GID4: variants seen among roughly 807,000 people sequenced by gnomAD.
The protein encoded by GID4 is GID complex subunit 4 homolog.
A neutral mutation model predicts 32.4 loss-of-function variants in GID4; 7 were observed. That is an observed-to-expected ratio of 0.22 (90% CI 0.12 to 0.41). The LOEUF is 0.41. GID4 is among the 10% of genes least tolerant of loss of function. The pLI, the probability that GID4 is intolerant of heterozygous loss-of-function variation, is 1.00. For missense variants in GID4, 309 were observed against 400.0 expected, an observed-to-expected ratio of 0.77 and a Z score of 1.94; for synonymous variants, 166 against 170.0, an observed-to-expected ratio of 0.98 and a Z score of 0.18.
In GID4 at chr17:18,039,433, T is replaced by G; in HGVS notation, c.-32T>G. ...GTGTGTGTGTCTGTGTGTGTTTGTG[T>G]GTTGTGTGTCTGTGAGTGTCTGTGT... On this transcript the variant is annotated 5_prime_UTR_variant, in exon 1 of 6. Transcript: ENST00000268719. This position sits in a 1 kb window ranked among gnomAD's most constrained non-coding sequence, Gnocchi z 5.3. The G allele has an allele frequency of 2.3e-6, 3 of 1,329,404 alleles. No homozygotes were observed. The highest frequency in any genetic ancestry group is 3.0e-6 in the Non-Finnish European group (3 of 1,014,026). 82.4% of individuals were successfully genotyped at this position (1,329,404 alleles called of 1,614,324 possible). A position where few individuals can be genotyped will look rare whatever the true frequency, so the allele number is the denominator to read the frequency against.
chr17:18,062,613 C>G (rs987647505), intron 5 of GID4, among the ~76,000 whole-genome samples: 8 of 152,296 alleles, frequency 5.3e-5, no homozygotes, highest in African/African-American at 1.9e-4. Flanking sequence ...AAAATTCTTT[C>G]TTTCCAGTAT....
rs2045079830 is a variant in GID4 at position 18,067,728 on chromosome 17, G to T, written c.*2485G>T. 2 of 152,596 alleles carry T rather than the reference G, an allele frequency of 1.3e-5. No individual in the cohort carries two copies. The highest frequency in any genetic ancestry group is 4.1e-4 in the South Asian group (2 of 4,824). The allele number at this position is 152,596 out of a possible 1,614,324, so 9.5% of individuals were successfully genotyped here. On this transcript the variant is annotated 3_prime_UTR_variant, in exon 6 of 6. Transcript: ENST00000268719. ...CTCTGAAACTATGTGCAATATTTTT[G>T]GTTGACACTTGTATCCATCCTTAAG...
In GID4 at chr17:18,058,873, G is replaced by C; in HGVS notation, c.612G>C (p.Lys204Asn). The C allele has an allele frequency of 6.2e-7, 1 of 1,606,694 alleles. No homozygotes were observed. Among genetic ancestry groups the C allele is most frequent in the Non-Finnish European group, 8.5e-7 (1 of 1,173,432 alleles). Residue 204 changes from lysine (K) to asparagine (N), a missense_variant, in exon 4 of 6, where the codon AAG (lysine) becomes AAC (asparagine). Lys to Asn is a moderately conservative substitution (Grantham distance 94). This residue lies in a region of GID4 where 116 missense variants were observed against 214.2 expected (regional missense o/e 0.54). Transcript: ENST00000268719. ...DEDVDRKHWG[K>N]FLAFYQYAKS... ...ACTCTCTTTTCTGCTTTCAGGGCAAGTTTCTGGCTTTTTATCAGTATGCAA... is the reference window on the plus strand; with the variant it reads ...ACTCTCTTTTCTGCTTTCAGGGCAACTTTCTGGCTTTTTATCAGTATGCAA...
chr17:18,047,477 T>C (rs1409148515), intron 2 of GID4, among the ~76,000 whole-genome samples: 1 of 152,230 alleles, frequency 6.6e-6, no homozygotes, highest in African/African-American at 2.4e-5. Flanking sequence ...TATACAGAAA[T>C]GCTAATGGCA....
At chr17:18,050,196 T>C (rs2044896873) in intron 2 of GID4, among the ~76,000 whole-genome samples, 1 of 152,178 alleles carries the variant, frequency 6.6e-6, no homozygotes, top group Non-Finnish European at 1.5e-5. Context: ...TTTGCATGCA[T>C]GTATCTTTAT....
chr17:18,056,347 A>AG (rs1209272502), intron 3 of GID4, among the ~76,000 whole-genome samples: 43 of 152,240 alleles, frequency 2.8e-4, no homozygotes, highest in African/African-American at 1.0e-3. Context: ...ACAAGACCTG[A>AG]GTATCCAGAA....
chr17:18,067,877 C>G lies in GID4; in HGVS notation c.*2634C>G, dbSNP rs1170856536. On this transcript the variant is annotated 3_prime_UTR_variant, in exon 6 of 6. Coordinates refer to ENST00000268719, the MANE Select transcript of GID4 (RefSeq NM_024052.5). ...AAAGCTTCCATTCTGCTGTCCTCAG[C>G]CTCGACCCTCTTCTGTGCTGGACTT... 6.6e-6 allele frequency: 1 copy of G among 152,646 alleles called. No homozygotes were observed. Among genetic ancestry groups the G allele is most frequent in the African/African-American group, 2.4e-5 (1 of 41,440 alleles). 9.5% of individuals were successfully genotyped at this position (152,646 alleles called of 1,614,324 possible).
At chr17:18,056,802 G>T (rs2044971665) in intron 3 of GID4, 1 of 1,550,538 alleles carries the variant, frequency 6.4e-7, no homozygotes. Context: ...ACTGGCATGT[G>T]AGGTGTGGTT....
intron 2 of GID4, among the ~76,000 whole-genome samples, chr17:18,053,878 A>G (rs936624711): frequency 4.6e-5 from 7 of 152,198 alleles, no homozygotes; most frequent in Admixed American, 1.3e-4. Context: ...GCATGTAACA[A>G]TTGAAGTCAA....
At chr17:18,044,314 C>T (rs1209935856) in intron 1 of GID4, among the ~76,000 whole-genome samples, 2 of 152,152 alleles carry the variant, frequency 1.3e-5, no homozygotes, top group Admixed American at 1.3e-4. Context: ...TTGACCAAGT[C>T]TTACGTGGTA....
intron 1 of GID4, among the ~76,000 whole-genome samples, chr17:18,041,593 A>G (rs1180209687): frequency 6.6e-6 from 1 of 152,182 alleles, no homozygotes; most frequent in Admixed American, 6.5e-5. Flanking sequence ...GTATGAAGGT[A>G]CAGGGGTTTT....
chr17:18,052,877 T>G (rs1478800952), intron 2 of GID4, among the ~76,000 whole-genome samples: 1 of 152,158 alleles, frequency 6.6e-6, no homozygotes, highest in African/African-American at 2.4e-5. Flanking sequence ...ATATAAGTTG[T>G]TCTTAGTTCA....
rs909144033 is a variant in GID4 at position 18,039,577 on chromosome 17, C to A, written c.113C>A (p.Ala38Glu). 11 of 1,301,554 alleles carry A rather than the reference C, an allele frequency of 8.5e-6. No homozygotes were observed. The African/African-American group carries it at 1.4e-4, about 17-fold the overall frequency. The allele number at this position is 1,301,554 out of a possible 1,614,324, so 80.6% of individuals were successfully genotyped here. A position where few individuals can be genotyped will look rare whatever the true frequency, so the allele number is the denominator to read the frequency against. Residue 38 changes from alanine to glutamate, a missense_variant, in exon 1 of 6, where the codon GCG (alanine) becomes GAG (glutamate). Ala to Glu is a moderately radical substitution (Grantham distance 107, BLOSUM62 -1). Transcript: ENST00000268719. This position sits in a 1 kb window ranked among gnomAD's most constrained non-coding sequence, Gnocchi z 5.3. The part of the protein sequence containing the change: ...RPERLLRRQR[A>E]GGRPSRPHPA... ...GAGCGCTTGCTCCGCAGGCAGCGGG[C>A]GGGTGGTCGCCCCTCCCGCCCCCAC...
Position 18,067,872 on chromosome 17 carries a change from C to T in GID4, c.*2629C>T, listed in dbSNP as rs1021464112. The T allele has an allele frequency of 2.6e-5, 4 of 152,626 alleles. No individual in the cohort carries two copies. Among genetic ancestry groups the T allele is most frequent in the Non-Finnish European group, 5.9e-5 (4 of 68,054 alleles). The allele number at this position is 152,626 out of a possible 1,614,324, so 9.5% of individuals were successfully genotyped here. On this transcript the variant is annotated 3_prime_UTR_variant, in exon 6 of 6. Coordinates refer to ENST00000268719, the MANE Select transcript of GID4 (RefSeq NM_024052.5). ...CTCAGAAAGCTTCCATTCTGCTGTC[C>T]TCAGCCTCGACCCTCTTCTGTGCTG...
At chr17:18,054,377 T>C in intron 3 of GID4, 143 bp downstream of exon 3, 1 of 533,544 alleles carries the variant, frequency 1.9e-6, no homozygotes, top group East Asian at 3.0e-5. Context: ...CAGACCTCAG[T>C]TGTTCCATCT....
intron 5 of GID4, 32 bp downstream of exon 5, chr17:18,062,007 A>G: frequency 6.2e-7 from 1 of 1,608,652 alleles, no homozygotes. Flanking sequence ...GGCCACGGGG[A>G]GGGCTTGCTG....
intron 4 of GID4, among the ~76,000 whole-genome samples, chr17:18,060,084 C>CA (rs35399188): frequency 0.018 from 1,094 of 60,362 alleles, 23 homozygotes; most frequent in African/African-American, 0.058. Context: ...GACTCCATCT[C>CA]AAAAAAAAAA....
intron 1 of GID4, among the ~76,000 whole-genome samples, chr17:18,044,076 C>T (rs2044828228): frequency 6.6e-6 from 1 of 152,148 alleles, no homozygotes; most frequent in Admixed American, 6.5e-5. Flanking sequence ...CCTGTTTCTC[C>T]CCTGTGGTCT....
At chr17:18,063,335 C>T (rs958721475) in intron 5 of GID4, among the ~76,000 whole-genome samples, 18 of 150,018 alleles carry the variant, frequency 1.2e-4, no homozygotes, top group African/African-American at 3.2e-4. Context: ...ACTTGAACCT[C>T]GGAGGCGGAG....
Sources: gnomAD v4.1 joint callset for allele counts (sites outside exome capture counted in the v4.1 genomes callset) on GRCh38, gnomAD v4.1.1 for gene constraint, gnomAD v4.1.1 regional missense constraint, Gnocchi (gnomAD v3.1) non-coding constraint, MANE v1.5 for transcripts, NCBI Gene and HGNC (gene_info 2026-07-23, HGNC 2026-07-21) for gene names.